NOL10: variants seen among roughly 807,000 people sequenced by gnomAD.
NOL10 encodes nucleolar protein 10, also known as H_NH0074G24.1.
A neutral mutation model predicts 103.5 loss-of-function variants in NOL10; 58 were observed. That is an observed-to-expected ratio of 0.56 (90% CI 0.45 to 0.70). The LOEUF is 0.70. Ranked by LOEUF, NOL10 falls within the 30% of genes least tolerant of loss-of-function variation. The probability of loss-of-function intolerance (pLI) is 0.00; values close to 1 mark genes in which losing one functional copy is unlikely to be tolerated. For missense variants in NOL10, 763 were observed against 807.3 expected, an observed-to-expected ratio of 0.95 and a Z score of 0.67; for synonymous variants, 287 against 282.5, an observed-to-expected ratio of 1.02 and a Z score of -0.16.
At chr2:10,619,920 A>G (rs1033266425) in intron 13 of NOL10, among the ~76,000 whole-genome samples, 4 of 152,236 alleles carry the variant, frequency 2.6e-5, no homozygotes, top group African/African-American at 9.6e-5. Context: ...AAGCAATGTT[A>G]AAGTCCTCTA....
At chr2:10,640,559 T>C (rs1303005847) in intron 13 of NOL10, among the ~76,000 whole-genome samples, 1 of 152,148 alleles carries the variant, frequency 6.6e-6, no homozygotes, top group African/African-American at 2.4e-5. Flanking sequence ...ACTAAAAAGG[T>C]CTTATAAGAT....
At position 10,608,727 on chromosome 2, in the gene NOL10, T is replaced by A. The variant is rs1307250985; in HGVS notation, c.1027-1416A>T. ...AGCCCCTGTTAACACCCTCTTCAAA[T>A]AAAAAGAAAAGTAAATGTTAGATAT... On this transcript the variant is annotated intron_variant, in intron 13 of 20. Coordinates refer to ENST00000381685, the MANE Select transcript of NOL10 (RefSeq NM_024894.4). 3.9e-5 allele frequency among the ~76,000 whole-genome samples: 6 copies of A among 152,188 alleles called. No individual in the cohort carries two copies. In the East Asian group the frequency reaches 1.2e-3, roughly 29 times the overall value.
intron 13 of NOL10, among the ~76,000 whole-genome samples, chr2:10,624,436 G>A (rs940554024): frequency 6.6e-6 from 1 of 151,912 alleles, no homozygotes. Context: ...TTAAAACACA[G>A]TTATCTGATG....
intron 13 of NOL10, among the ~76,000 whole-genome samples, chr2:10,637,143 T>C (rs1377393247): frequency 7.2e-6 from 1 of 138,326 alleles, no homozygotes; most frequent in Non-Finnish European, 1.5e-5. Flanking sequence ...GGAGGTTGAT[T>C]GTGCTACTGC....
chr2:10,577,140 A>T (rs746289539), intron 20 of NOL10, among the ~76,000 whole-genome samples: 10 of 152,242 alleles, frequency 6.6e-5, no homozygotes, highest in Non-Finnish European at 1.3e-4. Context: ...CGGGCAGAGT[A>T]GTCTGTCTTC....
chr2:10,641,901 G>A (rs1451330018), intron 13 of NOL10, among the ~76,000 whole-genome samples: 2 of 152,174 alleles, frequency 1.3e-5, no homozygotes, highest in African/African-American at 4.8e-5. Flanking sequence ...ACCTCCCGAA[G>A]CAGCACTCCA....
intron 9 of NOL10, among the ~76,000 whole-genome samples, chr2:10,659,972 C>T (rs1170080131): frequency 1.3e-5 from 2 of 152,110 alleles, no homozygotes; most frequent in African/African-American, 4.8e-5. Flanking sequence ...GCTATGGCCA[C>T]GACTCTAGAA....
At chr2:10,603,199 C>A (rs544063497) in intron 14 of NOL10, 42 bp from the exon 15 acceptor site, 1 of 1,408,010 alleles carries the variant, frequency 7.1e-7, no homozygotes, top group Admixed American at 2.0e-5. Flanking sequence ...CTTATGCAAT[C>A]TTCATTAACA....
chr2:10,577,496 G>A (rs1398678587), intron 20 of NOL10, 140 bp downstream of exon 20: 5 of 633,542 alleles, frequency 7.9e-6, no homozygotes, highest in Admixed American at 3.3e-5. Flanking sequence ...TGGTTGCAAG[G>A]AAAATGTTAG....
chr2:10,597,831 T>G (rs575142971), intron 17 of NOL10, among the ~76,000 whole-genome samples: 1 of 152,342 alleles, frequency 6.6e-6, no homozygotes, highest in South Asian at 2.1e-4. Flanking sequence ...TGGAAGAAGA[T>G]AGGAATTTCT....
intron 19 of NOL10, among the ~76,000 whole-genome samples, chr2:10,581,492 C>T (rs900973258): frequency 6.6e-6 from 1 of 152,280 alleles, no homozygotes; most frequent in Non-Finnish European, 1.5e-5. Flanking sequence ...TACAAAGAAA[C>T]GTTTCCAAGA....
intron 11 of NOL10, among the ~76,000 whole-genome samples, chr2:10,657,372 T>A (rs781753763): frequency 1.3e-5 from 2 of 151,964 alleles, no homozygotes; most frequent in African/African-American, 2.4e-5. Context: ...AATACCAACA[T>A]GCATGGAAGG....
intron 13 of NOL10, among the ~76,000 whole-genome samples, chr2:10,617,384 G>A (rs1676890977): frequency 6.6e-6 from 1 of 152,176 alleles, no homozygotes; most frequent in Non-Finnish European, 1.5e-5. Flanking sequence ...GGAAATCTCT[G>A]TTTATTCATT....
chr2:10,581,347 T>C (rs746642214), intron 19 of NOL10, among the ~76,000 whole-genome samples: 4 of 152,078 alleles, frequency 2.6e-5, no homozygotes, highest in Non-Finnish European at 5.9e-5. Context: ...TCCGTGTGCA[T>C]ACACACATTT....
intron 19 of NOL10, among the ~76,000 whole-genome samples, chr2:10,581,428 A>G (rs188147459): frequency 6.6e-6 from 1 of 152,334 alleles, no homozygotes; most frequent in East Asian, 1.9e-4. Context: ...CATACATCCC[A>G]GCACACCCAC....
At chr2:10,658,672 T>G (rs55819728) in intron 10 of NOL10, among the ~76,000 whole-genome samples, 14,412 of 152,268 alleles carry the variant, frequency 0.095, 939 homozygotes, top group Non-Finnish European at 0.14. Flanking sequence ...AAAACAGTAT[T>G]GAAACCCACT....
At chr2:10,687,756 C>G (rs1682317439) in intron 1 of NOL10, among the ~76,000 whole-genome samples, 1 of 152,120 alleles carries the variant, frequency 6.6e-6, no homozygotes, top group Admixed American at 6.6e-5. Context: ...CAGATCGAGA[C>G]CATACCGGCC....
intron 11 of NOL10, among the ~76,000 whole-genome samples, chr2:10,657,381 G>A (rs968311016): frequency 6.6e-6 from 1 of 152,060 alleles, no homozygotes; most frequent in Admixed American, 6.5e-5. Flanking sequence ...ATGCATGGAA[G>A]GATAATTAGT....
At chr2:10,606,559 G>A (rs1331755977) in intron 14 of NOL10, among the ~76,000 whole-genome samples, 6 of 139,728 alleles carry the variant, frequency 4.3e-5, no homozygotes, top group Admixed American at 1.6e-4. Flanking sequence ...AATCAGACAA[G>A]ATTGGGCCAC....
Sources: gnomAD v4.1 joint callset for allele counts (sites outside exome capture counted in the v4.1 genomes callset) on GRCh38, gnomAD v4.1.1 for gene constraint, MANE v1.5 for transcripts, NCBI Gene and HGNC (gene_info 2026-07-23, HGNC 2026-07-21) for gene names.